CDC42BPA: variants seen among roughly 807,000 people sequenced by gnomAD.
The protein encoded by CDC42BPA is CDC42 binding protein kinase alpha.
In CDC42BPA, 80 loss-of-function variants were observed where a neutral mutation model predicts 223.5. The ratio of observed to expected loss-of-function variants is 0.36; its 90% CI spans 0.30 to 0.43. The LOEUF is 0.43. CDC42BPA is among the 20% of genes least tolerant of loss of function. The pLI is 1.00. For synonymous variants in CDC42BPA, 694 were observed against 718.6 expected, an observed-to-expected ratio of 0.97 and a Z score of 0.55; for missense variants, 1,743 against 2,099.9, an observed-to-expected ratio of 0.83 and a Z score of 3.32.
chr1:227,089,712 T>C (rs898873861), intron 16 of CDC42BPA, among the ~76,000 whole-genome samples: 1 of 150,220 alleles, frequency 6.7e-6, no homozygotes, highest in East Asian at 2.0e-4. Context: ...TAGGCCTAAG[T>C]ATGTCCATTT....
In CDC42BPA at chr1:227,035,507, C is replaced by T. The variant is rs35369012; in HGVS notation, c.3300G>A (p.Gln1100=). 7.2e-4 allele frequency: 1,160 copies of T among 1,611,254 alleles called. 6 individuals are homozygous for T. The African/African-American group carries it at 0.012, about 17-fold the overall frequency. The part of the protein sequence containing the change: ...QTKGPLGIDP[Q]KGIGTAYEGH... ...CTTCATATGCTGTTCCTATTCCTTT[C>T]TGAGGATCTATACCCAGGGGACCTT... Residue 1100 remains glutamine (Q), a synonymous_variant, in exon 25 of 37, where the codon CAG becomes CAA. Transcript: ENST00000366766.
At chr1:227,246,285 A>G (rs1680932503) in intron 2 of CDC42BPA, among the ~76,000 whole-genome samples, 1 of 152,236 alleles carries the variant, frequency 6.6e-6, no homozygotes, top group South Asian at 2.1e-4. Context: ...GCCAGCACAG[A>G]CGTAGTAAAA....
intron 21 of CDC42BPA, among the ~76,000 whole-genome samples, chr1:227,052,809 G>T (rs916853547): frequency 6.6e-6 from 1 of 152,114 alleles, no homozygotes; most frequent in African/African-American, 2.4e-5. Flanking sequence ...ATTTTCCTTT[G>T]TTCTTACTAT....
chr1:227,180,775 GA>G, intron 5 of CDC42BPA, among the ~76,000 whole-genome samples: 1 of 152,308 alleles, frequency 6.6e-6, no homozygotes, highest in Non-Finnish European at 1.5e-5. Flanking sequence ...ATTCTAATCA[GA>G]TGAAACTTAG....
chr1:227,096,054 T>C (rs1343064053), intron 15 of CDC42BPA, among the ~76,000 whole-genome samples: 1 of 152,204 alleles, frequency 6.6e-6, no homozygotes, highest in Non-Finnish European at 1.5e-5. Context: ...ATGTAAGTAA[T>C]GGTTGATCTT....
At chr1:227,287,700 G>A (rs1689032217) in intron 1 of CDC42BPA, among the ~76,000 whole-genome samples, 1 of 152,098 alleles carries the variant, frequency 6.6e-6, no homozygotes, top group African/African-American at 2.4e-5. Flanking sequence ...TCAGTGCCCA[G>A]GGTTTTTAAT....
At chr1:227,051,698 G>C (rs931981563) in intron 22 of CDC42BPA, among the ~76,000 whole-genome samples, 183 bp downstream of exon 22, 6 of 152,132 alleles carry the variant, frequency 3.9e-5, no homozygotes, top group African/African-American at 1.4e-4. Flanking sequence ...TTGACTATTT[G>C]AGGACAATGT....
intron 14 of CDC42BPA, chr1:227,112,109 C>T (rs1687024659): frequency 2.5e-6 from 1 of 395,640 alleles, no homozygotes. Context: ...ATATTTCCCA[C>T]TAAACATAGT....
chr1:227,016,540 A>G (rs1464843681), intron 33 of CDC42BPA, among the ~76,000 whole-genome samples: 1 of 152,196 alleles, frequency 6.6e-6, no homozygotes, highest in Non-Finnish European at 1.5e-5. Context: ...ATAACTGTAA[A>G]TACTACAGTC....
At chr1:227,003,794 G>A (rs187185213) in intron 35 of CDC42BPA, among the ~76,000 whole-genome samples, 57 of 152,166 alleles carry the variant, frequency 3.7e-4, no homozygotes, top group African/African-American at 1.3e-3. Context: ...TGTAAAAAAA[G>A]AGATGCTGCA....
chr1:227,165,332 T>C (rs987724905), intron 5 of CDC42BPA, among the ~76,000 whole-genome samples: 1 of 152,214 alleles, frequency 6.6e-6, no homozygotes, highest in African/African-American at 2.4e-5. Flanking sequence ...CCAAGGAAGC[T>C]GAATTATAAC....
rs1446602723 is a variant in CDC42BPA at position 227,317,460 on chromosome 1, TAAATA to T, written c.-283_-279del. 1 of 397,432 alleles carries T rather than the reference TAAATA, an allele frequency of 2.5e-6. No homozygotes were observed. Among genetic ancestry groups the T allele is most frequent in the Non-Finnish European group, 4.4e-6 (1 of 226,528 alleles). 24.6% of individuals were successfully genotyped at this position (397,432 alleles called of 1,614,324 possible). ...AAAGAATACAATTAAGTCGTATATT[TAAATA>T]AAATAATAATTAAAAGTACAACGAA... is the stretch of plus-strand genomic sequence containing the variant. On this transcript the variant is annotated 5_prime_UTR_variant, in exon 1 of 37. Coordinates refer to ENST00000366766, the MANE Select transcript of CDC42BPA (RefSeq NM_001394014.1).
At chr1:227,129,038 G>GT (rs1419155612) in intron 11 of CDC42BPA, 71 bp downstream of exon 11, 3 of 1,058,610 alleles carry the variant, frequency 2.8e-6, no homozygotes, top group Non-Finnish European at 4.2e-6. Flanking sequence ...CTCAATAGAT[G>GT]TTTTTTGTGT....
At chr1:227,214,118 T>C (rs1357256905) in intron 2 of CDC42BPA, among the ~76,000 whole-genome samples, 1 of 151,842 alleles carries the variant, frequency 6.6e-6, no homozygotes, top group Non-Finnish European at 1.5e-5. Flanking sequence ...TACTCTAATA[T>C]GCAGAAAGGG....
At chr1:227,164,639 C>T (rs1405995639) in intron 5 of CDC42BPA, among the ~76,000 whole-genome samples, 1 of 152,220 alleles carries the variant, frequency 6.6e-6, no homozygotes, top group Non-Finnish European at 1.5e-5. Flanking sequence ...GCACTTCAGC[C>T]TAGGTGAGAG....
At chr1:227,183,875 T>C (rs1668342893) in intron 5 of CDC42BPA, among the ~76,000 whole-genome samples, 1 of 152,236 alleles carries the variant, frequency 6.6e-6, no homozygotes, top group Non-Finnish European at 1.5e-5. Flanking sequence ...AGCTACTTTT[T>C]ATTTTAACTG....
At chr1:227,262,025 A>G (rs372898359) in intron 1 of CDC42BPA, among the ~76,000 whole-genome samples, 1 of 151,726 alleles carries the variant, frequency 6.6e-6, no homozygotes, top group African/African-American at 2.4e-5. Context: ...AATCTACCTC[A>G]GTCAAAAGTG....
intron 31 of CDC42BPA, among the ~76,000 whole-genome samples, chr1:227,025,801 T>C (rs1668145720): frequency 2.6e-5 from 4 of 152,132 alleles, no homozygotes; most frequent in African/African-American, 9.7e-5. Flanking sequence ...GTAGGATATA[T>C]TCTAGTTGTT....
chr1:227,243,998 C>T (rs568984791), intron 2 of CDC42BPA, among the ~76,000 whole-genome samples: 1 of 148,622 alleles, frequency 6.7e-6, no homozygotes, highest in Admixed American at 6.7e-5. Context: ...GCCACTCACT[C>T]ACCAAAAAAA....
Sources: gnomAD v4.1 joint callset for allele counts (sites outside exome capture counted in the v4.1 genomes callset) on GRCh38, gnomAD v4.1.1 for gene constraint, MANE v1.5 for transcripts, NCBI Gene and HGNC (gene_info 2026-07-23, HGNC 2026-07-21) for gene names.